Variants in TOP1MT observed in about 807,000 individuals in gnomAD.
TOP1MT encodes DNA topoisomerase I mitochondrial, also known as DNA topoisomerase I, mitochondrial.
In TOP1MT, 80 loss-of-function variants were observed where a neutral mutation model predicts 73.9. The observed-to-expected ratio is 1.08, with a 90% CI of 0.90 to 1.30. The LOEUF (loss-of-function observed/expected upper bound fraction) is 1.30, where lower values mean the gene tolerates loss of function less well. TOP1MT is among the 50% of genes most tolerant of loss of function. TOP1MT has a pLI of 0.00. For missense variants in TOP1MT, 815 were observed against 808.0 expected (o/e 1.01, Z -0.10); for synonymous variants, 338 against 326.4 (o/e 1.04, Z -0.38).
chr8:143,321,739 C>CAT (rs1816391364), intron 7 of TOP1MT, among the ~76,000 whole-genome samples: 2 of 126,392 alleles, frequency 1.6e-5, no homozygotes, highest in Admixed American at 8.4e-5. Context: ...ACAGGTACGC[C>CAT]ACACACGCAC....
At position 143,325,550 on chromosome 8, in the gene TOP1MT, G is replaced by A. The variant is rs761441238; in HGVS notation, c.484-17C>T. On this transcript the variant is annotated splice_polypyrimidine_tract_variant and intron_variant, in intron 4 of 13. Coordinates refer to ENST00000329245, the MANE Select transcript of TOP1MT (RefSeq NM_052963.3). ...TTTTAGCTTCTGAGTTAATAAAACA[G>A]TCAGTGGACATTAGCAGTGAAGAGA... is the stretch of plus-strand genomic sequence containing the variant. 5.0e-6 allele frequency: 8 copies of A among 1,599,840 alleles called. No homozygotes were observed. Among genetic ancestry groups the A allele is most frequent in the Non-Finnish European group, 6.0e-6 (7 of 1,168,536 alleles).
At chr8:143,335,354 A>G (rs1228087549), upstream of TOP1MT, among the ~76,000 whole-genome samples, 1 of 152,172 alleles carries the variant, frequency 6.6e-6, no homozygotes, top group East Asian at 1.9e-4. Flanking sequence ...GGACGCAGAA[A>G]CCGGCAGAAG....
intron 8 of TOP1MT, among the ~76,000 whole-genome samples, chr8:143,320,188 G>A (rs2130005157): frequency 6.6e-6 from 1 of 151,970 alleles, no homozygotes; most frequent in Middle Eastern, 3.4e-3. Flanking sequence ...GAGTGCAGTG[G>A]TGCCATCTTG....
intron 7 of TOP1MT, among the ~76,000 whole-genome samples, chr8:143,322,099 G>A (rs1414090422): frequency 8.6e-5 from 6 of 70,068 alleles, no homozygotes; most frequent in African/African-American, 3.0e-4. Flanking sequence ...TGCCAAACAC[G>A]CACGCCACAC....
chr8:143,349,516 T>C (rs1034202217), upstream of TOP1MT, among the ~76,000 whole-genome samples: 3 of 152,074 alleles, frequency 2.0e-5, no homozygotes, highest in African/African-American at 4.8e-5. Flanking sequence ...CATTTCTCTT[T>C]CCAATAAACC....
chr8:143,338,275 A>T (rs958009395), upstream of TOP1MT, among the ~76,000 whole-genome samples: 26 of 150,398 alleles, frequency 1.7e-4, no homozygotes, highest in Middle Eastern at 3.4e-3. Flanking sequence ...TTAAAAAAAA[A>T]TTTTTTTTTT....
Position 143,316,089 on chromosome 8 carries a change from G to T in TOP1MT, c.1368C>A (p.Asn456Lys), listed in dbSNP as rs1177882259. The T allele has an allele frequency of 6.2e-7, 1 of 1,614,186 alleles. No individual in the cohort carries two copies. ...DSIAAKILSYNRANRVVAILC... is the reference protein window; with the variant it reads ...DSIAAKILSYKRANRVVAILC... ...GAATGGCCACGACTCGGTTGGCTCGGTTGTAGGATAAGATCTTAGCTGCTA... is the reference window on the plus strand; with the variant it reads ...GAATGGCCACGACTCGGTTGGCTCGTTTGTAGGATAAGATCTTAGCTGCTA... Residue 456 changes from asparagine (N) to lysine (K), a missense_variant, in exon 11 of 14, where the codon AAC (asparagine) becomes AAA (lysine). Coordinates refer to ENST00000329245, the MANE Select transcript of TOP1MT (RefSeq NM_052963.3).
chr8:143,353,189 A>G (rs1383109684), intron 1 of TOP1MT, among the ~76,000 whole-genome samples: 4 of 152,202 alleles, frequency 2.6e-5, no homozygotes, highest in African/African-American at 7.2e-5. Flanking sequence ...CCAAAGTGGG[A>G]GGATCACTTG....
chr8:143,323,256 C>T (rs1339253355), intron 7 of TOP1MT, among the ~76,000 whole-genome samples: 21 of 112,476 alleles, frequency 1.9e-4, no homozygotes, highest in Middle Eastern at 8.5e-3. Flanking sequence ...CACAGGCACG[C>T]CACACACATG....
At chr8:143,331,404 C>T (rs1365457589) in intron 1 of TOP1MT, 65 bp from the exon 2 acceptor site, 1 of 1,374,094 alleles carries the variant, frequency 7.3e-7, no homozygotes, top group Non-Finnish European at 1.0e-6. Context: ...CTTCCCCGCT[C>T]CCACAGTGGC....
At chr8:143,339,153 G>C (rs1207447354), upstream of TOP1MT, among the ~76,000 whole-genome samples, 2 of 152,186 alleles carry the variant, frequency 1.3e-5, no homozygotes, top group East Asian at 3.8e-4. Context: ...ACACAGCTGC[G>C]AGCAGTGGTG....
At position 143,310,230 on chromosome 8, in the gene TOP1MT, G is replaced by T. The variant is rs1191796649; in HGVS notation, c.1554-13C>A. ...CTTCTCCAGGACACTGGCAAGAGAA[G>T]AGGAGGCCGCGAGGCCCCGCGCTGG... On this transcript the variant is annotated splice_polypyrimidine_tract_variant and intron_variant, in intron 12 of 13. Transcript: ENST00000329245. The T allele has an allele frequency of 6.6e-7, 1 of 1,518,440 alleles. No individual in the cohort carries two copies. The highest frequency in any genetic ancestry group is 2.2e-5 in the Admixed American group (1 of 46,024). The allele number at this position is 1,518,440 out of a possible 1,614,324, so 94.1% of individuals were successfully genotyped here.
upstream of TOP1MT, among the ~76,000 whole-genome samples, chr8:143,337,800 C>T (rs2130384039): frequency 6.6e-6 from 1 of 152,232 alleles, no homozygotes; most frequent in East Asian, 1.9e-4. Flanking sequence ...GTCAAACAGC[C>T]CGGCGCCACA....
At chr8:143,311,109 C>T (rs183691811) in intron 12 of TOP1MT, among the ~76,000 whole-genome samples, 299 of 149,202 alleles carry the variant, frequency 2.0e-3, no homozygotes, top group African/African-American at 6.9e-3. Context: ...TGTGCCACCA[C>T]GCACATGATT....
At chr8:143,327,980 T>C (rs1170423148) in intron 3 of TOP1MT, among the ~76,000 whole-genome samples, 1 of 152,146 alleles carries the variant, frequency 6.6e-6, no homozygotes, top group Non-Finnish European at 1.5e-5. Flanking sequence ...GGAGGAAATC[T>C]CTGTGCTGCC....
chr8:143,328,862 C>T (rs1816775048), intron 3 of TOP1MT, among the ~76,000 whole-genome samples: 1 of 152,168 alleles, frequency 6.6e-6, no homozygotes, highest in South Asian at 2.1e-4. Context: ...GCGGCACACA[C>T]ATAAAATCAG....
chr8:143,345,889 G>A (rs1817212150), upstream of TOP1MT, among the ~76,000 whole-genome samples: 1 of 152,242 alleles, frequency 6.6e-6, no homozygotes, highest in Non-Finnish European at 1.5e-5. Context: ...TGGAGGGTCT[G>A]ATTCTGCCCT....
rs569366734 is a variant in TOP1MT at position 143,328,326 on chromosome 8, G to T, written c.360+1024C>A. ...CGTCTGGCAAAGAACCTGCACCCAG[G>T]ATGCGTTTTTAAAACTCCGATAAAT... On this transcript the variant is annotated intron_variant, in intron 3 of 13. Coordinates refer to ENST00000329245, the MANE Select transcript of TOP1MT (RefSeq NM_052963.3). 2.0e-5 allele frequency: 9 copies of T among 446,212 alleles called. 1 individual carries two copies. The highest frequency in any genetic ancestry group is 1.3e-4 in the South Asian group (8 of 61,998). The allele number at this position is 446,212 out of a possible 1,614,324, so 27.6% of individuals were successfully genotyped here. A position where few individuals can be genotyped will look rare whatever the true frequency, so the allele number is the denominator to read the frequency against.
chr8:143,321,677 ACGCACGCCACG>A lies in TOP1MT; in HGVS notation c.961-302_961-292del, dbSNP rs1338025923. Among the ~76,000 whole-genome samples, 55 of 120,902 alleles carry A rather than the reference ACGCACGCCACG, an allele frequency of 4.5e-4. 1 individual carries two copies. The highest frequency in any genetic ancestry group is 1.7e-3 in the African/African-American group (50 of 28,820). The allele number at this position is 120,902 out of a possible 152,430, so 79.3% of individuals were successfully genotyped here. On this transcript the variant is annotated intron_variant, in intron 7 of 13. Coordinates refer to ENST00000329245, the MANE Select transcript of TOP1MT (RefSeq NM_052963.3). ...CACGCCACACACACGCACGCCACAC[ACGCACGCCACG>A]CACGCACGCCACGCACACATGCCAC...
Sources: gnomAD v4.1 joint callset for allele counts (sites outside exome capture counted in the v4.1 genomes callset) on GRCh38, gnomAD v4.1.1 for gene constraint, MANE v1.5 for transcripts, NCBI Gene and HGNC (gene_info 2026-07-23, HGNC 2026-07-21) for gene names.